The following DLGAP2 variants were observed in gnomAD, a reference collection of about 807,000 sequenced individuals.
The protein encoded by DLGAP2 is DLG associated protein 2, also known as disks large-associated protein 2.
A neutral mutation model predicts 100.3 loss-of-function variants in DLGAP2; 26 were observed. That is an observed-to-expected ratio of 0.26 (90% confidence interval 0.19 to 0.36). The LOEUF (loss-of-function observed/expected upper bound fraction) is 0.36, where lower values mean the gene tolerates loss of function less well. DLGAP2 is among the 10% of genes least tolerant of loss of function. The pLI is 1.00. For missense variants in DLGAP2, 1,858 were observed against 1,453.2 expected, an observed-to-expected ratio of 1.28 and a Z score of -4.53; for synonymous variants, 886 against 630.1, an observed-to-expected ratio of 1.41 and a Z score of -6.08.
chr8:765,768 T>G (rs1821195822), intron 1 of DLGAP2, among the ~76,000 whole-genome samples: 1 of 152,162 alleles, frequency 6.6e-6, no homozygotes, highest in Admixed American at 6.5e-5. Context: ...GTGGCACATG[T>G]GTGTACACAC....
intron 2 of DLGAP2, among the ~76,000 whole-genome samples, chr8:1,154,996 G>T (rs1796755415): frequency 6.6e-6 from 1 of 152,170 alleles, no homozygotes; most frequent in Admixed American, 6.5e-5. Flanking sequence ...CCCGGGCCTT[G>T]TCCCTCCCTC....
intron 2 of DLGAP2, among the ~76,000 whole-genome samples, chr8:1,192,776 C>T (rs1257545250): frequency 1.3e-5 from 2 of 151,618 alleles, no homozygotes; most frequent in Admixed American, 6.6e-5. Flanking sequence ...CACCCATTAA[C>T]TCCTCATTTA....
intron 3 of DLGAP2, among the ~76,000 whole-genome samples, chr8:1,415,977 A>T (rs1334534357): frequency 6.6e-6 from 1 of 152,220 alleles, no homozygotes; most frequent in Non-Finnish European, 1.5e-5. Flanking sequence ...TTTTTAACAT[A>T]AATTGGGGGA....
chr8:1,182,426 T>C (rs1011104017), intron 2 of DLGAP2, among the ~76,000 whole-genome samples: 4 of 152,200 alleles, frequency 2.6e-5, no homozygotes, highest in Non-Finnish European at 5.9e-5. Context: ...GTGCATTTAA[T>C]GCTCACACGT....
At chr8:849,707 T>C (rs1450361813) in intron 1 of DLGAP2, among the ~76,000 whole-genome samples, 1 of 152,130 alleles carries the variant, frequency 6.6e-6, no homozygotes, top group African/African-American at 2.4e-5. Context: ...ACTGATGACA[T>C]AGGAACTTTT....
At chr8:985,268 G>A (rs1177861546) in intron 2 of DLGAP2, among the ~76,000 whole-genome samples, 1 of 152,230 alleles carries the variant, frequency 6.6e-6, no homozygotes, top group African/African-American at 2.4e-5. Context: ...GTCCGTAGAT[G>A]TGTGTCCTTC....
Position 1,700,811 on chromosome 8 carries a change from A to C in DLGAP2, c.2950-377A>C, listed in dbSNP as rs186112634. On this transcript the variant is annotated intron_variant, in intron 14 of 14. Transcript: ENST00000637795. Reference sequence around the variant, plus strand: ...AGGGATGTCCAGCGATGGTGTCCAAAACCCTCGCGATGCTCGGAGATGACA... The same window carrying C: ...AGGGATGTCCAGCGATGGTGTCCAACACCCTCGCGATGCTCGGAGATGACA... Among the ~76,000 whole-genome samples the C allele has an allele frequency of 1.8e-3, 275 of 152,350 alleles. 2 individuals carry two copies. The highest frequency in any genetic ancestry group is 4.3e-3 in the Admixed American group (66 of 15,312).
chr8:789,979 A>G (rs1014581865), intron 1 of DLGAP2, among the ~76,000 whole-genome samples: 4 of 152,142 alleles, frequency 2.6e-5, no homozygotes, highest in African/African-American at 9.7e-5. Flanking sequence ...AAGTGGGGAG[A>G]TGATGCCGCC....
At chr8:841,735 C>T (rs376943648) in intron 1 of DLGAP2, among the ~76,000 whole-genome samples, 1 of 152,160 alleles carries the variant, frequency 6.6e-6, no homozygotes, top group African/African-American at 2.4e-5. Context: ...TGCCGCCCCC[C>T]ACACCCGGCA....
intron 2 of DLGAP2, among the ~76,000 whole-genome samples, chr8:928,681 C>G (rs933353107): frequency 1.3e-5 from 2 of 152,086 alleles, no homozygotes; most frequent in African/African-American, 2.4e-5. Flanking sequence ...TGCCCTTTGC[C>G]TTGCACCCCG....
At chr8:743,328 G>C (rs1269459798) in intron 1 of DLGAP2, among the ~76,000 whole-genome samples, 1 of 152,164 alleles carries the variant, frequency 6.6e-6, no homozygotes, top group Non-Finnish European at 1.5e-5. Flanking sequence ...CATGCTTTCA[G>C]GGTAGACGTT....
intron 2 of DLGAP2, among the ~76,000 whole-genome samples, chr8:1,000,375 C>T (rs1022986994): frequency 8.0e-5 from 12 of 150,148 alleles, no homozygotes; most frequent in Non-Finnish European, 1.0e-4. Context: ...TTCTCTAGAG[C>T]GGAAAGATCT....
Position 1,676,546 on chromosome 8 carries a change from C to A in DLGAP2, c.2216C>A (p.Thr739Lys). The change falls in exon 11 of 15, where the codon ACA (threonine) becomes AAA (lysine). Residue 739 changes from threonine to lysine, a missense_variant. By Grantham distance (78) the Thr-to-Lys change is moderately conservative. Coordinates refer to ENST00000637795, the MANE Select transcript of DLGAP2 (RefSeq NM_001346810.2). ...PYPRSDVETA[T>K]DSDTESRGLR... is the part of the protein sequence containing the mutation. ...CTGTTGAATTAGGTGGAAACGGCCA[C>A]AGATTCTGACACGGAGAGCCGCGGT... The A allele has an allele frequency of 6.2e-7, 1 of 1,613,328 alleles. No homozygotes were observed. The highest frequency in any genetic ancestry group is 1.3e-5 in the African/African-American group (1 of 75,052).
chr8:1,606,769 G>A (rs577234858), intron 6 of DLGAP2, among the ~76,000 whole-genome samples: 78 of 152,118 alleles, frequency 5.1e-4, no homozygotes, highest in African/African-American at 1.5e-3. Context: ...TACAACCTCC[G>A]CCCCCTGAGC....
intron 2 of DLGAP2, among the ~76,000 whole-genome samples, chr8:1,078,640 T>C (rs184576883): frequency 6.6e-6 from 1 of 152,336 alleles, no homozygotes; most frequent in East Asian, 1.9e-4. Context: ...CAGAATGTCA[T>C]AGAGTTGGAA....
chr8:954,053 G>C (rs1375347427), intron 2 of DLGAP2, among the ~76,000 whole-genome samples: 1 of 152,132 alleles, frequency 6.6e-6, no homozygotes, highest in Admixed American at 6.5e-5. Flanking sequence ...TGCACTGTTA[G>C]GCAACCCTCA....
At chr8:833,423 G>T (rs1224872656) in intron 1 of DLGAP2, among the ~76,000 whole-genome samples, 1 of 152,216 alleles carries the variant, frequency 6.6e-6, no homozygotes, top group Non-Finnish European at 1.5e-5. Context: ...GTTCTGGGGG[G>T]ACCTGTTTCT....
At chr8:1,367,188 G>A (rs1176526826) in intron 3 of DLGAP2, among the ~76,000 whole-genome samples, 1 of 152,216 alleles carries the variant, frequency 6.6e-6, no homozygotes, top group African/African-American at 2.4e-5. Flanking sequence ...AGGAATGGGG[G>A]GTTGGCCATT....
chr8:1,168,197 G>C (rs62487552), intron 2 of DLGAP2, among the ~76,000 whole-genome samples: 35 of 151,874 alleles, frequency 2.3e-4, no homozygotes, highest in African/African-American at 4.8e-4. Flanking sequence ...CATGTCCCTA[G>C]AAAGGACATG....
Sources: gnomAD v4.1 joint callset for allele counts (sites outside exome capture counted in the v4.1 genomes callset) on GRCh38, gnomAD v4.1.1 for gene constraint, MANE v1.5 for transcripts, NCBI Gene and HGNC (gene_info 2026-07-23, HGNC 2026-07-21) for gene names.